The following KANSL1L variants were observed in gnomAD, a reference collection of about 807,000 sequenced individuals.
The protein encoded by KANSL1L is KAT8 regulatory NSL complex subunit 1 like, also known as KAT8 regulatory NSL complex subunit 1-like protein.
KANSL1L carries 25 observed loss-of-function variants against 108.6 expected under a neutral mutation model. The ratio of observed to expected loss-of-function variants is 0.23; its 90% CI spans 0.17 to 0.32. The LOEUF is 0.32. Among genes scored for constraint, KANSL1L ranks in the 10% least tolerant of loss-of-function variants. KANSL1L has a pLI of 1.00. For synonymous variants in KANSL1L, 405 were observed against 395.1 expected (o/e 1.03, Z -0.30); for missense variants, 1,137 against 1,125.7 (o/e 1.01, Z -0.14).
At chr2:210,106,603 T>G (rs2094849194) in intron 3 of KANSL1L, among the ~76,000 whole-genome samples, 1 of 151,988 alleles carries the variant, frequency 6.6e-6, no homozygotes, top group Admixed American at 6.6e-5. Context: ...ACCCTGTCTC[T>G]ACTAACAGTA....
intron 6 of KANSL1L, among the ~76,000 whole-genome samples, chr2:210,073,921 GC>G (rs1423693991): frequency 6.6e-6 from 1 of 152,092 alleles, no homozygotes; most frequent in East Asian, 1.9e-4. Context: ...ACTCTTCAAG[GC>G]CCTGCAGATC....
chr2:210,025,486 C>T (rs542825086), intron 12 of KANSL1L, among the ~76,000 whole-genome samples: 30 of 152,214 alleles, frequency 2.0e-4, no homozygotes, highest in African/African-American at 6.7e-4. Context: ...ACGCGGGAGG[C>T]GGAGGTTGCA....
chr2:210,116,114 C>G (rs1210940120), intron 3 of KANSL1L, among the ~76,000 whole-genome samples: 2 of 152,150 alleles, frequency 1.3e-5, no homozygotes, highest in African/African-American at 2.4e-5. Flanking sequence ...ACTGAAGAAG[C>G]CTTGGGCCTT....
At chr2:210,079,401 G>C (rs2094565089) in intron 5 of KANSL1L, among the ~76,000 whole-genome samples, 1 of 151,050 alleles carries the variant, frequency 6.6e-6, no homozygotes, top group Non-Finnish European at 1.5e-5. Context: ...TTCGAGACCA[G>C]CCTGGCCAAC....
intron 1 of KANSL1L, among the ~76,000 whole-genome samples, chr2:210,167,989 C>A (rs1478102447): frequency 1.3e-5 from 2 of 151,906 alleles, no homozygotes; most frequent in Non-Finnish European, 2.9e-5. Context: ...AGGTAGAAAT[C>A]TCTTGGAAAT....
intron 11 of KANSL1L, 74 bp from the exon 12 acceptor site, chr2:210,027,424 A>C: frequency 1.1e-6 from 1 of 943,506 alleles, no homozygotes; most frequent in South Asian, 1.3e-5. Context: ...CAGCACAGCT[A>C]AATGTATTAG....
intron 5 of KANSL1L, among the ~76,000 whole-genome samples, chr2:210,090,674 G>T (rs1390614069): frequency 1.3e-5 from 2 of 151,970 alleles, no homozygotes; most frequent in African/African-American, 4.8e-5. Flanking sequence ...TGGGACTACA[G>T]GTGTGTACCA....
intron 5 of KANSL1L, among the ~76,000 whole-genome samples, chr2:210,078,365 T>C (rs1398673479): frequency 6.6e-6 from 1 of 152,186 alleles, no homozygotes; most frequent in Non-Finnish European, 1.5e-5. Context: ...GGCTAACATA[T>C]TACCAGAGGA....
At chr2:210,136,906 T>A (rs2095178752) in intron 2 of KANSL1L, among the ~76,000 whole-genome samples, 1 of 152,190 alleles carries the variant, frequency 6.6e-6, no homozygotes, top group Non-Finnish European at 1.5e-5. Flanking sequence ...CCTCATGTTC[T>A]GCAAAATAAA....
chr2:210,046,185 A>G (rs2094221037), intron 6 of KANSL1L, among the ~76,000 whole-genome samples: 1 of 152,186 alleles, frequency 6.6e-6, no homozygotes, highest in African/African-American at 2.4e-5. Flanking sequence ...ATAACATCAC[A>G]TTGGGAATTA....
intron 1 of KANSL1L, chr2:210,170,162 A>C (rs916221047): frequency 6.4e-6 from 1 of 157,056 alleles, no homozygotes; most frequent in Non-Finnish European, 1.4e-5. Context: ...TGCTCACTTC[A>C]CTTAGGTTTT....
At chr2:210,150,098 G>A (rs1559604369) in intron 2 of KANSL1L, among the ~76,000 whole-genome samples, 1 of 152,040 alleles carries the variant, frequency 6.6e-6, no homozygotes, top group Admixed American at 6.6e-5. Context: ...GGCCAATAAT[G>A]CAAGAGGCCA....
intron 4 of KANSL1L, among the ~76,000 whole-genome samples, chr2:210,099,467 A>AT (rs1162247633): frequency 6.6e-6 from 1 of 152,216 alleles, no homozygotes; most frequent in Admixed American, 6.5e-5. Flanking sequence ...AGACCTTGAA[A>AT]TGTTTTCACC....
intron 5 of KANSL1L, among the ~76,000 whole-genome samples, chr2:210,095,997 A>T (rs2094732703): frequency 6.6e-6 from 1 of 152,190 alleles, no homozygotes; most frequent in Non-Finnish European, 1.5e-5. Flanking sequence ...AAAAACGTGA[A>T]GAACAAAATT....
chr2:210,105,957 G>C (rs947937815), intron 3 of KANSL1L, among the ~76,000 whole-genome samples: 8 of 152,218 alleles, frequency 5.3e-5, no homozygotes, highest in Admixed American at 1.3e-4. Context: ...GCTCTTGAGA[G>C]TATCCATTCA....
intron 1 of KANSL1L, 80 bp from the exon 2 acceptor site, chr2:210,154,691 C>T: frequency 1.3e-6 from 1 of 780,256 alleles, no homozygotes; most frequent in South Asian, 4.1e-5. Context: ...GCAACATGTT[C>T]AATGTTTCTG....
intron 2 of KANSL1L, chr2:210,151,415 CATTTT>C (rs954753776): frequency 5.3e-5 from 8 of 152,202 alleles, no homozygotes; most frequent in Admixed American, 6.5e-5. Context: ...GTGCCCACTA[CATTTT>C]ATTTAAATAC....
intron 1 of KANSL1L, among the ~76,000 whole-genome samples, chr2:210,164,553 C>T (rs935081722): frequency 1.3e-5 from 2 of 152,038 alleles, no homozygotes; most frequent in Non-Finnish European, 2.9e-5. Flanking sequence ...CATATACACC[C>T]AAGATACTTA....
chr2:210,031,822 C>CAGAT (rs2094020967), intron 8 of KANSL1L, among the ~76,000 whole-genome samples: 1 of 152,292 alleles, frequency 6.6e-6, no homozygotes, highest in Admixed American at 6.5e-5. Flanking sequence ...AGGATTGGCT[C>CAGAT]AGATATATAA....
Sources: gnomAD v4.1 joint callset for allele counts (sites outside exome capture counted in the v4.1 genomes callset) on GRCh38, gnomAD v4.1.1 for gene constraint, MANE v1.5 for transcripts, NCBI Gene and HGNC (gene_info 2026-07-23, HGNC 2026-07-21) for gene names.